OPCML: variants seen among roughly 807,000 people sequenced by gnomAD.
OPCML encodes opioid binding protein/cell adhesion molecule like.
A neutral mutation model predicts 37.8 loss-of-function variants in OPCML; 13 were observed. The observed-to-expected ratio is 0.34, with a 90% CI of 0.22 to 0.55. The LOEUF is 0.55. OPCML is among the 20% of genes least tolerant of loss of function. The pLI, the probability that OPCML is intolerant of heterozygous loss-of-function variation, is 0.91. For synonymous variants in OPCML, 176 were observed against 168.8 expected, an observed-to-expected ratio of 1.04 and a Z score of -0.33; for missense variants, 341 against 435.6, an observed-to-expected ratio of 0.78 and a Z score of 1.93.
At chr11:133,320,885 C>T (rs1486167092) in intron 1 of OPCML, among the ~76,000 whole-genome samples, 2 of 152,138 alleles carry the variant, frequency 1.3e-5, no homozygotes, top group African/African-American at 4.8e-5. Flanking sequence ...ACGCAGAACA[C>T]AATAACGGCA....
At chr11:133,326,309 ATG>A in intron 1 of OPCML, among the ~76,000 whole-genome samples, 1 of 22,096 alleles carries the variant, frequency 4.5e-5, no homozygotes, top group Non-Finnish European at 6.8e-5. Context: ...GGGTGTGGGT[ATG>A]TATAAGTGTG....
rs558208013 is a variant in OPCML, at chr11:132,778,726, G to A, written c.147-121407C>T. On this transcript the variant is annotated intron_variant, in intron 2 of 7. Coordinates refer to ENST00000524381, the MANE Select transcript of OPCML (RefSeq NM_001012393.5). ...TGGGCCTTTGAGGTCATCCAGTTCCGCGAAGTCATTTCACAAATGAGAAAA... is the reference window on the plus strand; with the variant it reads ...TGGGCCTTTGAGGTCATCCAGTTCCACGAAGTCATTTCACAAATGAGAAAA... Among the ~76,000 whole-genome samples, 28 of 152,152 alleles carry A rather than the reference G, an allele frequency of 1.8e-4. No homozygotes were observed. In the East Asian group the frequency reaches 3.7e-3, roughly 20 times the overall value.
rs569718156 is a variant in OPCML, at chr11:132,680,493, G to A, written c.147-23174C>T. On this transcript the variant is annotated intron_variant, in intron 2 of 7. Transcript: ENST00000524381. ...GACAGATCTGATGCACTTTCCTCAG[G>A]GCTGAAGAATAAAAATTTCAGGTTC... 1.3e-4 allele frequency among the ~76,000 whole-genome samples: 20 copies of A among 152,224 alleles called. No individual in the cohort carries two copies. In the South Asian group the frequency reaches 4.2e-3, roughly 32 times the overall value.
intron 2 of OPCML, among the ~76,000 whole-genome samples, chr11:132,683,926 T>G (rs1167712964): frequency 6.6e-6 from 1 of 152,202 alleles, no homozygotes; most frequent in East Asian, 1.9e-4. Flanking sequence ...CTCTAGCTAC[T>G]ATTAACAGGT....
At chr11:133,148,983 G>A (rs1408059249) in intron 1 of OPCML, among the ~76,000 whole-genome samples, 3 of 152,132 alleles carry the variant, frequency 2.0e-5, no homozygotes. Flanking sequence ...AGGGGTTAAG[G>A]TAGAGGAGGA....
intron 3 of OPCML, among the ~76,000 whole-genome samples, chr11:132,574,250 T>TTTTTTTTGG (rs1385379898): frequency 2.7e-5 from 4 of 150,810 alleles, no homozygotes; most frequent in Admixed American, 6.6e-5. Context: ...TTGTGTTTTT[T>TTTTTTTTGG]TTTTTTTGGT....
At chr11:133,511,522 AC>A (rs145279456) in intron 1 of OPCML, among the ~76,000 whole-genome samples, 6,509 of 151,762 alleles carry the variant, frequency 0.043, 188 homozygotes, top group South Asian at 0.097. Context: ...AGGCAGATTC[AC>A]TCATGCCCTG....
In OPCML at chr11:133,280,377, C is replaced by G. The variant is rs188359297; in HGVS notation, c.61+251887G>C. Among the ~76,000 whole-genome samples, 37 of 152,300 alleles carry G rather than the reference C, an allele frequency of 2.4e-4. No individual in the cohort carries two copies. The East Asian group carries it at 7.0e-3, about 29-fold the overall frequency. On this transcript the variant is annotated intron_variant, in intron 1 of 7. Coordinates refer to ENST00000524381, the MANE Select transcript of OPCML (RefSeq NM_001012393.5). ...TGAGCAGGAACCACTCAGAATTATTCTTCACCTCTGGCAGGGGAGAAAGTG... is the reference window on the plus strand; with the variant it reads ...TGAGCAGGAACCACTCAGAATTATTGTTCACCTCTGGCAGGGGAGAAAGTG...
At chr11:132,786,745 C>T (rs562337019) in intron 2 of OPCML, among the ~76,000 whole-genome samples, 2 of 152,130 alleles carry the variant, frequency 1.3e-5, no homozygotes, top group Non-Finnish European at 2.9e-5. Flanking sequence ...GGCATTCAAA[C>T]GATATCTGCT....
intron 2 of OPCML, among the ~76,000 whole-genome samples, chr11:132,722,810 C>A (rs1944722519): frequency 6.6e-6 from 1 of 152,156 alleles, no homozygotes; most frequent in African/African-American, 2.4e-5. Flanking sequence ...CTGGCCCTTG[C>A]AGCGAAAGGT....
rs746948455 is a variant in OPCML, at chr11:132,420,143, G to A, written c.*50C>T. The A allele has an allele frequency of 2.0e-6, 3 of 1,534,546 alleles. No individual in the cohort carries two copies. The highest frequency in any genetic ancestry group is 2.7e-6 in the Non-Finnish European group (3 of 1,108,898). The stretch of plus-strand genomic sequence containing the variant: ...TTTGCTCTCCGCAGTGTAGATTAAA[G>A]TCTGTGATATGGAGAAGCAGGCGTT... On this transcript the variant is annotated 3_prime_UTR_variant, in exon 8 of 8. Coordinates refer to ENST00000524381, the MANE Select transcript of OPCML (RefSeq NM_001012393.5).
chr11:132,501,232 A>C (rs1409511455), intron 4 of OPCML, among the ~76,000 whole-genome samples: 2 of 152,244 alleles, frequency 1.3e-5, no homozygotes, highest in Non-Finnish European at 2.9e-5. Flanking sequence ...AATTAACCCA[A>C]GATGGATCAA....
intron 1 of OPCML, among the ~76,000 whole-genome samples, chr11:132,986,573 C>A (rs919688429): frequency 6.6e-5 from 10 of 152,024 alleles, no homozygotes; most frequent in Non-Finnish European, 1.5e-4. Context: ...GTGACCTACT[C>A]AATAAACAGT....
chr11:132,821,367 C>T (rs945181370), intron 2 of OPCML, among the ~76,000 whole-genome samples: 1 of 152,156 alleles, frequency 6.6e-6, no homozygotes, highest in Admixed American at 6.5e-5. Flanking sequence ...TCAGCCCTAT[C>T]CATGCCTTCC....
At chr11:132,665,390 G>C (rs1942174601) in intron 2 of OPCML, among the ~76,000 whole-genome samples, 1 of 152,184 alleles carries the variant, frequency 6.6e-6, no homozygotes, top group Non-Finnish European at 1.5e-5. Flanking sequence ...GGCTCTACCT[G>C]AATGCAGAAA....
At chr11:132,744,195 A>C (rs1945534747) in intron 2 of OPCML, among the ~76,000 whole-genome samples, 1 of 152,214 alleles carries the variant, frequency 6.6e-6, no homozygotes, top group African/African-American at 2.4e-5. Context: ...CAACTCCTCG[A>C]AAGATTTTAG....
At position 133,205,949 on chromosome 11, in the gene OPCML, C is replaced by A. The variant is rs1189288052; in HGVS notation, c.62-262939G>T. On this transcript the variant is annotated intron_variant, in intron 1 of 7. Coordinates refer to ENST00000524381, the MANE Select transcript of OPCML (RefSeq NM_001012393.5). The surrounding 1 kb of genome is among the most constrained non-coding windows in gnomAD (Gnocchi z 4.8). ...AATCCCAGACAGCTCTGTAATCTTG[C>A]ACAAGTTATGTATATCCACTTAGCC... 1.3e-5 allele frequency among the ~76,000 whole-genome samples: 2 copies of A among 152,140 alleles called. No individual in the cohort carries two copies. The highest frequency in any genetic ancestry group is 6.5e-5 in the Admixed American group (1 of 15,284).
chr11:132,862,310 G>A (rs537255706), intron 2 of OPCML, among the ~76,000 whole-genome samples: 3 of 152,038 alleles, frequency 2.0e-5, no homozygotes, highest in Non-Finnish European at 2.9e-5. Flanking sequence ...ACCAAGTTTC[G>A]GGTAGGCTGG....
At chr11:133,144,247 G>A (rs1347255506) in intron 1 of OPCML, among the ~76,000 whole-genome samples, 1 of 152,218 alleles carries the variant, frequency 6.6e-6, no homozygotes, top group Non-Finnish European at 1.5e-5. Context: ...GATTCCGTGA[G>A]GATTCAGCCC....
Sources: gnomAD v4.1 joint callset for allele counts (sites outside exome capture counted in the v4.1 genomes callset) on GRCh38, gnomAD v4.1.1 for gene constraint, Gnocchi (gnomAD v3.1) non-coding constraint, MANE v1.5 for transcripts, NCBI Gene and HGNC (gene_info 2026-07-23, HGNC 2026-07-21) for gene names.